Variants in CA1 observed in about 807,000 individuals in gnomAD.
CA1 encodes carbonate dehydratase I.
CA1 carries 27 observed loss-of-function variants against 28.8 expected under a neutral mutation model. The ratio of observed to expected loss-of-function variants is 0.94; its 90% CI spans 0.69 to 1.29. The LOEUF (loss-of-function observed/expected upper bound fraction) is 1.29, where lower values mean the gene tolerates loss of function less well. CA1 is among the 50% of genes most tolerant of loss of function. CA1 has a pLI of 0.00. For synonymous variants in CA1, 121 were observed against 108.8 expected, an observed-to-expected ratio of 1.11 and a Z score of -0.70; for missense variants, 335 against 310.5, an observed-to-expected ratio of 1.08 and a Z score of -0.59.
At chr8:85,374,831 A>C (rs1206577659) in intron 1 of CA1, among the ~76,000 whole-genome samples, 1 of 152,168 alleles carries the variant, frequency 6.6e-6, no homozygotes, top group African/African-American at 2.4e-5. Context: ...GGCTAGCAAT[A>C]AATTATCAAT....
At position 85,336,992 on chromosome 8, in the gene CA1, C is replaced by T; in HGVS notation, c.307G>A (p.Glu103Lys). The change falls in exon 4 of 8, where the codon GAG (glutamate) becomes AAG (lysine). Residue 103 changes from glutamate (E) to lysine (K), a missense_variant. Coordinates refer to ENST00000523022, the MANE Select transcript of CA1 (RefSeq NM_001128831.4). ...QFHFHWGSTN[E>K]HGSEHTVDGV... ...TCCACTGTATGTTCTGAACCATGCT[C>T]ATTTGTACTGCCCCAGTGAAAATGG... 3.7e-6 allele frequency: 6 copies of T among 1,613,168 alleles called. No individual in the cohort carries two copies. The highest frequency in any genetic ancestry group is 1.1e-5 in the South Asian group (1 of 91,054).
intron 1 of CA1, among the ~76,000 whole-genome samples, chr8:85,368,722 A>T (rs1161468488): frequency 6.6e-6 from 1 of 152,094 alleles, no homozygotes; most frequent in Non-Finnish European, 1.5e-5. Flanking sequence ...GGTAAAAAAA[A>T]GAGAGAAAAC....
chr8:85,344,389 A>T (rs1037434883), intron 1 of CA1, among the ~76,000 whole-genome samples: 1 of 145,926 alleles, frequency 6.9e-6, no homozygotes, highest in Non-Finnish European at 1.5e-5. Context: ...TATTAACACC[A>T]ATTAATTTCT....
At chr8:85,356,994 C>A (rs1383814929) in intron 1 of CA1, among the ~76,000 whole-genome samples, 1 of 152,108 alleles carries the variant, frequency 6.6e-6, no homozygotes, top group East Asian at 1.9e-4. Context: ...TTTTGGAAAG[C>A]AATACAACAC....
In CA1 at chr8:85,336,947, C is replaced by T. The variant is rs202131223; in HGVS notation, c.352G>A (p.Glu118Lys). 319 of 1,573,870 alleles carry T rather than the reference C, an allele frequency of 2.0e-4. 1 individual carries two copies. The highest frequency in any genetic ancestry group is 2.1e-4 in the Non-Finnish European group (238 of 1,143,484). The stretch of plus-strand genomic sequence containing the variant: ...TCTCACTTACTAAATTACATTACCT[C>T]GGCAGAATATTTGACTCCATCCACT... ...HTVDGVKYSAELHVAHWNSAK... is the reference protein window; with the variant it reads ...HTVDGVKYSAKLHVAHWNSAK... Residue 118 changes from glutamate (E) to lysine (K), a missense_variant and splice_region_variant, in exon 4 of 8, where the codon GAG becomes AAG. Coordinates refer to ENST00000523022, the MANE Select transcript of CA1 (RefSeq NM_001128831.4).
At chr8:85,333,230 A>G (rs1808487112) in intron 5 of CA1, among the ~76,000 whole-genome samples, 1 of 152,162 alleles carries the variant, frequency 6.6e-6, no homozygotes, top group African/African-American at 2.4e-5. Context: ...TCTATGATGT[A>G]GGAAATTTAG....
chr8:85,374,140 T>C (rs1041987266), intron 1 of CA1, among the ~76,000 whole-genome samples: 3 of 152,192 alleles, frequency 2.0e-5, no homozygotes, highest in African/African-American at 7.2e-5. Context: ...CAAAAGTGAA[T>C]ATCTATTTAG....
intron 4 of CA1, among the ~76,000 whole-genome samples, chr8:85,334,052 G>A (rs1288504072): frequency 1.3e-5 from 2 of 152,152 alleles, no homozygotes; most frequent in Non-Finnish European, 1.5e-5. Context: ...AGGCACGTTC[G>A]TGCCCTTTCC....
At chr8:85,373,275 C>A (rs1020825567) in intron 1 of CA1, among the ~76,000 whole-genome samples, 3 of 152,174 alleles carry the variant, frequency 2.0e-5, no homozygotes, top group Non-Finnish European at 2.9e-5. Context: ...ACCAGTTGCA[C>A]CAGAAAGCAC....
intron 1 of CA1, among the ~76,000 whole-genome samples, chr8:85,367,519 A>G (rs995947274): frequency 1.3e-5 from 2 of 152,236 alleles, no homozygotes; most frequent in Non-Finnish European, 2.9e-5. Context: ...CATGTAAAAA[A>G]TCTTTGCTTT....
At chr8:85,339,999 G>A (rs1193816584) in intron 2 of CA1, among the ~76,000 whole-genome samples, 2 of 152,174 alleles carry the variant, frequency 1.3e-5, no homozygotes, top group African/African-American at 2.4e-5. Flanking sequence ...GAGGTGATGT[G>A]GCAAGTGCTG....
At position 85,367,408 on chromosome 8, in the gene CA1, A is replaced by G. The variant is rs956129957; in HGVS notation, c.-25+10638T>C. Among the ~76,000 whole-genome samples, 5 of 152,232 alleles carry G rather than the reference A, an allele frequency of 3.3e-5. No homozygotes were observed. In the East Asian group the frequency reaches 9.6e-4, roughly 29 times the overall value. Reference sequence around the variant, plus strand: ...GAAATGTACTTGTTTGAAAAAAACCAAGGGAGTCAGGGGAATTTCACTCAA... The same window carrying G: ...GAAATGTACTTGTTTGAAAAAAACCGAGGGAGTCAGGGGAATTTCACTCAA... On this transcript the variant is annotated intron_variant, in intron 1 of 7. Transcript: ENST00000523022.
At chr8:85,376,703 AAAT>A (rs1327406773) in intron 1 of CA1, among the ~76,000 whole-genome samples, 236 of 147,228 alleles carry the variant, frequency 1.6e-3, no homozygotes, top group African/African-American at 5.6e-3. Flanking sequence ...ATAAATAAAT[AAAT>A]AAAACTAGGT....
intron 1 of CA1, among the ~76,000 whole-genome samples, chr8:85,358,738 G>T (rs1349601903): frequency 1.3e-5 from 2 of 152,196 alleles, no homozygotes; most frequent in East Asian, 1.9e-4. Context: ...ACGAGCGAAG[G>T]CTTGATAAGT....
intron 2 of CA1, among the ~76,000 whole-genome samples, chr8:85,339,154 G>A (rs1808810257): frequency 6.6e-6 from 1 of 152,024 alleles, no homozygotes; most frequent in South Asian, 2.1e-4. Context: ...TCATTTTATT[G>A]CGCTTCACTT....
intron 5 of CA1, 146 bp from the exon 6 acceptor site, chr8:85,332,698 G>A: frequency 1.5e-6 from 1 of 671,174 alleles, no homozygotes; most frequent in Non-Finnish European, 2.7e-6. Context: ...TTTTCAAGCT[G>A]TATGTCTTTG....
At chr8:85,367,398 G>GA (rs1226735224) in intron 1 of CA1, among the ~76,000 whole-genome samples, 1 of 152,164 alleles carries the variant, frequency 6.6e-6, no homozygotes, top group Non-Finnish European at 1.5e-5. Context: ...GTACTTGTTT[G>GA]AAAAAAACCA....
At chr8:85,344,553 C>T (rs947561236) in intron 1 of CA1, among the ~76,000 whole-genome samples, 1 of 151,288 alleles carries the variant, frequency 6.6e-6, no homozygotes, top group Admixed American at 6.6e-5. Context: ...AACTTTTGTT[C>T]TTCTAGTTCC....
At chr8:85,355,000 T>A (rs1809551265) in intron 1 of CA1, among the ~76,000 whole-genome samples, 1 of 152,200 alleles carries the variant, frequency 6.6e-6, no homozygotes, top group Non-Finnish European at 1.5e-5. Context: ...GTGGTTGGTC[T>A]TATGTAACAG....
Sources: allele counts gnomAD v4.1 joint callset (sites outside exome capture counted in the v4.1 genomes callset), GRCh38; gene constraint gnomAD v4.1.1; transcripts MANE v1.5; gene names NCBI Gene and HGNC (gene_info 2026-07-23, HGNC 2026-07-21).